The following CCDC25 variants were observed in gnomAD, a reference collection of about 807,000 sequenced individuals.
The protein encoded by CCDC25 is coiled-coil domain-containing protein 25.
CCDC25 carries 16 observed loss-of-function variants against 35.3 expected under a neutral mutation model. The ratio of observed to expected loss-of-function variants is 0.45; its 90% CI spans 0.31 to 0.69. The LOEUF is 0.69. CCDC25 is among the 30% of genes least tolerant of loss of function. The probability of loss-of-function intolerance (pLI) is 0.06; values close to 1 mark genes in which losing one functional copy is unlikely to be tolerated. For synonymous variants in CCDC25, 79 were observed against 80.3 expected, an observed-to-expected ratio of 0.98 and a Z score of 0.09; for missense variants, 179 against 250.7, an observed-to-expected ratio of 0.71 and a Z score of 1.93.
chr8:27,760,608 C>T (rs771284554), intron 3 of CCDC25, among the ~76,000 whole-genome samples: 6 of 152,128 alleles, frequency 3.9e-5, no homozygotes, highest in African/African-American at 9.7e-5. Context: ...ATGCTAGGTA[C>T]TGGGGACATA....
intron 3 of CCDC25, among the ~76,000 whole-genome samples, chr8:27,760,462 G>A (rs933102344): frequency 2.0e-5 from 3 of 152,262 alleles, no homozygotes; most frequent in East Asian, 1.9e-4. Flanking sequence ...AGCTGGGGTT[G>A]GCAGGAGCTC....
chr8:27,772,285 G>A (rs887600553), intron 1 of CCDC25, among the ~76,000 whole-genome samples: 2 of 152,216 alleles, frequency 1.3e-5, no homozygotes, highest in African/African-American at 2.4e-5. Context: ...TACAAACATA[G>A]CAGTGGCATC....
intron 1 of CCDC25, among the ~76,000 whole-genome samples, chr8:27,769,797 G>C (rs1303604896): frequency 6.6e-6 from 1 of 152,106 alleles, no homozygotes; most frequent in Non-Finnish European, 1.5e-5. Context: ...TAAAGAGAAA[G>C]TATTGCCTTA....
At chr8:27,752,986 A>C in intron 4 of CCDC25, 1 of 162,036 alleles carries the variant, frequency 6.2e-6, no homozygotes, top group Non-Finnish European at 1.3e-5. Flanking sequence ...GGTCCCTATG[A>C]CCTTCCTCTC....
At chr8:27,768,595 A>C (rs549755748) in intron 1 of CCDC25, among the ~76,000 whole-genome samples, 1 of 152,162 alleles carries the variant, frequency 6.6e-6, no homozygotes, top group Admixed American at 6.5e-5. Context: ...AGAAAATGAA[A>C]AATAAAAAGG....
At chr8:27,761,495 A>C (rs1039824082) in intron 3 of CCDC25, among the ~76,000 whole-genome samples, 7 of 152,246 alleles carry the variant, frequency 4.6e-5, no homozygotes, top group African/African-American at 1.7e-4. Flanking sequence ...GCATATAGTT[A>C]AGTGCTTGAC....
In CCDC25 at chr8:27,733,421, CA is replaced by C. The variant is rs1333596362; in HGVS notation, c.*2794del. On this transcript the variant is annotated 3_prime_UTR_variant, in exon 9 of 9. Coordinates refer to ENST00000356537, the MANE Select transcript of CCDC25 (RefSeq NM_018246.3). ...TTTCCCTTTTGAATGACAGAATGTG[CA>C]TAAAAGTCTCTTGCCCACGCTGAAC... The C allele has an allele frequency of 6.6e-6, 1 of 152,212 alleles. No homozygotes were observed. Among genetic ancestry groups the C allele is most frequent in the Non-Finnish European group, 1.5e-5 (1 of 68,046 alleles). The allele number at this position is 152,212 out of a possible 1,614,324, so 9.4% of individuals were successfully genotyped here.
Position 27,737,109 on chromosome 8 carries a change from T to C in CCDC25, c.598-864A>G, listed in dbSNP as rs937295266. Among the ~76,000 whole-genome samples the C allele has an allele frequency of 2.0e-5, 3 of 152,172 alleles. No homozygotes were observed. Among genetic ancestry groups the C allele is most frequent in the African/African-American group, 7.2e-5 (3 of 41,446 alleles). ...TATGGGTAGAAAACATTGGTTCCTG[T>C]GAAGTCTGGTTTTAGCTCCAACTTC... is the stretch of plus-strand genomic sequence containing the variant. On this transcript the variant is annotated intron_variant, in intron 8 of 8. Transcript: ENST00000356537. This position sits in a 1 kb window ranked among gnomAD's most constrained non-coding sequence, Gnocchi z 4.6.
chr8:27,752,683 A>G, intron 4 of CCDC25, 96 bp from the exon 5 acceptor site: 1 of 838,498 alleles, frequency 1.2e-6, no homozygotes, highest in South Asian at 1.5e-5. Flanking sequence ...ACTAGGCATG[A>G]TTTTACTAAA....
intron 8 of CCDC25, among the ~76,000 whole-genome samples, chr8:27,739,670 G>C (rs1381015175): frequency 6.6e-6 from 1 of 152,130 alleles, no homozygotes; most frequent in Non-Finnish European, 1.5e-5. Flanking sequence ...TTACACAAGG[G>C]ACTCAAGCAT....
chr8:27,736,736 A>G (rs1293070213), intron 8 of CCDC25, among the ~76,000 whole-genome samples: 1 of 152,216 alleles, frequency 6.6e-6, no homozygotes, highest in Non-Finnish European at 1.5e-5. Flanking sequence ...TTAATAGGAA[A>G]GGCCATCAGG....
intron 2 of CCDC25, chr8:27,764,395 A>G: frequency 3.3e-6 from 1 of 298,888 alleles, no homozygotes; most frequent in Non-Finnish European, 6.6e-6. Context: ...CAGCCTCCAG[A>G]GTAGCAAGGA....
In CCDC25 at chr8:27,748,215, A is replaced by C; in HGVS notation, c.413T>G (p.Val138Gly). ...TGCTGCTAGGTCTGGGAACCGCTCG[A>C]CTTTGGTCTTTTCTAATCGGTTCAG... ...EILNRLEKTK[V>G]ERFPDLAAEK... Residue 138 changes from valine (V) to glycine (G), a missense_variant, in exon 7 of 9, where the codon GTC (valine) becomes GGC (glycine). Val to Gly is a moderately radical substitution (Grantham distance 109). Transcript: ENST00000356537. The C allele has an allele frequency of 1.2e-6, 2 of 1,613,630 alleles. No individual in the cohort carries two copies. Among genetic ancestry groups the C allele is most frequent in the Non-Finnish European group, 1.7e-6 (2 of 1,179,872 alleles).
At chr8:27,768,020 G>A (rs1244421531) in intron 1 of CCDC25, among the ~76,000 whole-genome samples, 1 of 143,820 alleles carries the variant, frequency 7.0e-6, no homozygotes, top group Non-Finnish European at 1.5e-5. Context: ...TGGGCAATAT[G>A]AGGAAACCCT....
At chr8:27,739,362 A>C (rs1803360399) in intron 8 of CCDC25, among the ~76,000 whole-genome samples, 1 of 152,168 alleles carries the variant, frequency 6.6e-6, no homozygotes, top group African/African-American at 2.4e-5. Flanking sequence ...AAGATGTAAA[A>C]TCCTATTACT....
intron 7 of CCDC25, 129 bp downstream of exon 7, chr8:27,747,948 T>C: frequency 1.1e-6 from 1 of 876,118 alleles, no homozygotes; most frequent in Non-Finnish European, 1.8e-6. Context: ...TGATTTAAGG[T>C]TGAGCTTAAG....
chr8:27,762,832 T>C (rs1804272271), intron 2 of CCDC25, among the ~76,000 whole-genome samples: 1 of 152,068 alleles, frequency 6.6e-6, no homozygotes. Flanking sequence ...TAAAGAAATA[T>C]TTTACTTCTT....
Position 27,743,759 on chromosome 8 carries a change from T to C in CCDC25, c.552-3242A>G, listed in dbSNP as rs1261354292. 5.9e-5 allele frequency among the ~76,000 whole-genome samples: 9 copies of C among 152,232 alleles called. No individual in the cohort carries two copies. The Middle Eastern group carries it at 0.014, about 230-fold the overall frequency. The stretch of plus-strand genomic sequence containing the variant: ...AAATAAAGATATTAGCTGGGCATGG[T>C]GGAGTGAGTCTGTAGTCCCAGCTAC... On this transcript the variant is annotated intron_variant, in intron 7 of 8. Transcript: ENST00000356537.
At chr8:27,763,220 G>A (rs1563458347) in intron 2 of CCDC25, among the ~76,000 whole-genome samples, 1 of 152,090 alleles carries the variant, frequency 6.6e-6, no homozygotes. Context: ...AATTTTTTAA[G>A]TAAAGTTGTC....
Sources: allele counts gnomAD v4.1 joint callset (sites outside exome capture counted in the v4.1 genomes callset), GRCh38; gene constraint gnomAD v4.1.1; non-coding constraint Gnocchi (gnomAD v3.1); transcripts MANE v1.5; gene names NCBI Gene and HGNC (gene_info 2026-07-23, HGNC 2026-07-21).